The following EFHC2 variants were observed in gnomAD, a reference collection of about 807,000 sequenced individuals.
EFHC2 encodes the protein EF-hand domain-containing family member C2.
EFHC2 carries 18 observed loss-of-function variants against 52.7 expected under a neutral mutation model. The observed-to-expected ratio is 0.34, with a 90% CI of 0.24 to 0.51. EFHC2 has a LOEUF of 0.51. Ranked by LOEUF, EFHC2 falls within the 20% of genes least tolerant of loss-of-function variation. EFHC2 has a pLI of 0.97. For missense variants in EFHC2, 513 were observed against 562.5 expected, an observed-to-expected ratio of 0.91 and a Z score of 0.89; for synonymous variants, 203 against 204.1, an observed-to-expected ratio of 0.99 and a Z score of 0.04.
intron 2 of EFHC2, chrX:44,285,940 T>G (rs1014338054): frequency 8.9e-6 from 1 of 112,958 alleles, no homozygotes; most frequent in African/African-American, 3.3e-5. Flanking sequence ...TCACTGGGAG[T>G]TACTCAGTCA....
intron 2 of EFHC2, among the ~76,000 whole-genome samples, chrX:44,311,459 T>A (rs1210942797): frequency 8.9e-6 from 1 of 112,078 alleles, no homozygotes; most frequent in Non-Finnish European, 1.9e-5. Context: ...CTTTATCTAG[T>A]CCTGAACTAT....
intron 10 of EFHC2, 34 bp downstream of exon 10, chrX:44,232,447 G>C: frequency 9.9e-7 from 1 of 1,014,031 alleles, no homozygotes; most frequent in African/African-American, 1.9e-5. Flanking sequence ...GGAGGGCTGA[G>C]AGGCAAGTCA....
chrX:44,338,123 A>G (rs2038127192), intron 1 of EFHC2, among the ~76,000 whole-genome samples: 1 of 111,440 alleles, frequency 9.0e-6, no homozygotes, highest in Non-Finnish European at 1.9e-5. Flanking sequence ...TGAATGTACC[A>G]AGTACCACTG....
chrX:44,217,537 A>C (rs915874471), intron 11 of EFHC2, among the ~76,000 whole-genome samples: 1 of 111,618 alleles, frequency 9.0e-6, no homozygotes, highest in Non-Finnish European at 1.9e-5. Flanking sequence ...AGTACTATTC[A>C]GTCAAAAAAA....
chrX:44,341,289 A>G lies in EFHC2; in HGVS notation c.42+2258T>C, dbSNP rs1415915201. The stretch of plus-strand genomic sequence containing the variant: ...AATGAACAGAAAGGTTCATAGGTAG[A>G]GTTGTCACATAAAATACAAGATTCT... On this transcript the variant is annotated intron_variant, in intron 1 of 14. Coordinates refer to ENST00000420999, the MANE Select transcript of EFHC2 (RefSeq NM_025184.4). Among the ~76,000 whole-genome samples the G allele has an allele frequency of 4.5e-4, 51 of 112,341 alleles. 3 individuals are homozygous for G.
intron 7 of EFHC2, among the ~76,000 whole-genome samples, chrX:44,246,192 C>G (rs1452514787): frequency 8.9e-6 from 1 of 111,997 alleles, no homozygotes; most frequent in African/African-American, 3.3e-5. Flanking sequence ...ATAACTGTAT[C>G]TAAGCAACAT....
intron 2 of EFHC2, chrX:44,309,593 C>T (rs2037930629): frequency 1.7e-6 from 2 of 1,158,059 alleles, no homozygotes; most frequent in Non-Finnish European, 2.4e-6. Context: ...ATCTGAACAG[C>T]ATTGATAATT....
At chrX:44,156,170 C>T (rs1161197412) in intron 14 of EFHC2, among the ~76,000 whole-genome samples, 1 of 112,277 alleles carries the variant, frequency 8.9e-6, no homozygotes, top group Non-Finnish European at 1.9e-5. Context: ...TTCAAGTGGA[C>T]ATAACCCGAT....
chrX:44,329,113 C>G (rs181585308), intron 1 of EFHC2, among the ~76,000 whole-genome samples: 49 of 111,756 alleles, frequency 4.4e-4, no homozygotes, highest in Admixed American at 6.7e-4. Context: ...AAATAAATCC[C>G]TGCTTCTTTA....
Position 44,275,206 on chromosome X carries a change from T to C in EFHC2, c.232-2370A>G, listed in dbSNP as rs988063562. ...CAAATGATGCATTAAAAGAGAAGGA[T>C]GCTAAATTGAAATAAAGAGAAAAGG... On this transcript the variant is annotated intron_variant, in intron 2 of 14. Coordinates refer to ENST00000420999, the MANE Select transcript of EFHC2 (RefSeq NM_025184.4). 2.7e-5 allele frequency among the ~76,000 whole-genome samples: 3 copies of C among 111,426 alleles called. No homozygotes were observed. In the South Asian group the frequency reaches 1.1e-3, roughly 42 times the overall value.
chrX:44,302,831 T>G (rs1019530060), intron 2 of EFHC2, among the ~76,000 whole-genome samples: 16 of 112,145 alleles, frequency 1.4e-4, no homozygotes, highest in African/African-American at 4.5e-4. Context: ...AGATTTCCAT[T>G]TGAAATTTCG....
intron 1 of EFHC2, among the ~76,000 whole-genome samples, chrX:44,334,607 C>T (rs1308452597): frequency 8.9e-6 from 1 of 111,938 alleles, no homozygotes; most frequent in Non-Finnish European, 1.9e-5. Context: ...TCCCGAGTAG[C>T]TGGGATTACA....
intron 4 of EFHC2, among the ~76,000 whole-genome samples, chrX:44,255,697 C>A (rs2037486045): frequency 9.0e-6 from 1 of 111,504 alleles, no homozygotes; most frequent in Non-Finnish European, 1.9e-5. Flanking sequence ...ACCCCACTGT[C>A]AATATTAGAC....
At chrX:44,213,012 G>A (rs1204024927) in intron 11 of EFHC2, among the ~76,000 whole-genome samples, 1 of 107,815 alleles carries the variant, frequency 9.3e-6, no homozygotes, top group Non-Finnish European at 1.9e-5. Flanking sequence ...ACTGTGCCTG[G>A]CCCACAGTTC....
intron 2 of EFHC2, among the ~76,000 whole-genome samples, chrX:44,300,000 C>T (rs954927684): frequency 1.8e-5 from 2 of 111,522 alleles, no homozygotes; most frequent in African/African-American, 6.5e-5. Context: ...GGCATTTGTG[C>T]TATCACCCAC....
chrX:44,338,849 T>C (rs1188588050), intron 1 of EFHC2, among the ~76,000 whole-genome samples: 1 of 111,125 alleles, frequency 9.0e-6, no homozygotes, highest in Non-Finnish European at 1.9e-5. Flanking sequence ...GATGATGGGC[T>C]ATTTACAGCA....
intron 11 of EFHC2, among the ~76,000 whole-genome samples, chrX:44,223,956 A>C (rs777668588): frequency 8.9e-6 from 1 of 112,096 alleles, no homozygotes; most frequent in East Asian, 2.8e-4. Flanking sequence ...AAGGAGAGAT[A>C]ATTGTCCTAG....
intron 7 of EFHC2, among the ~76,000 whole-genome samples, chrX:44,246,064 T>G (rs2037398565): frequency 1.8e-5 from 2 of 112,047 alleles, no homozygotes; most frequent in Admixed American, 1.9e-4. Flanking sequence ...CCACAATGAT[T>G]GATGGGACTT....
chrX:44,155,276 C>T (rs913929133), intron 14 of EFHC2, among the ~76,000 whole-genome samples: 1 of 111,652 alleles, frequency 9.0e-6, no homozygotes, highest in Non-Finnish European at 1.9e-5. Flanking sequence ...ATAAATTACT[C>T]GTTCATCAGT....
Sources: gnomAD v4.1 joint callset for allele counts (sites outside exome capture counted in the v4.1 genomes callset) on GRCh38, gnomAD v4.1.1 for gene constraint, MANE v1.5 for transcripts, NCBI Gene and HGNC (gene_info 2026-07-23, HGNC 2026-07-21) for gene names.